RAPGEF6: variants seen among roughly 807,000 people sequenced by gnomAD.
RAPGEF6 encodes Rap guanine nucleotide exchange factor 6, also known as PDZ domain containing guanine nucleotide exchange factor (GEF) 2.
RAPGEF6 carries 56 observed loss-of-function variants against 171.4 expected under a neutral mutation model. The ratio of observed to expected loss-of-function variants is 0.33; its 90% CI spans 0.26 to 0.41. The LOEUF is 0.41. Among genes scored for constraint, RAPGEF6 ranks in the 10% least tolerant of loss-of-function variants. The pLI, the probability that RAPGEF6 is intolerant of heterozygous loss-of-function variation, is 1.00. For missense variants in RAPGEF6, 1,674 were observed against 1,921.4 expected, an observed-to-expected ratio of 0.87 and a Z score of 2.41; for synonymous variants, 692 against 650.1, an observed-to-expected ratio of 1.06 and a Z score of -0.98.
Position 131,431,252 on chromosome 5 carries a change from C to T in RAPGEF6, c.4072G>A (p.Ala1358Thr), listed in dbSNP as rs1393044848. The change falls in exon 26 of 28, where the codon GCT (alanine) becomes ACT (threonine). Residue 1358 changes from alanine (A) to threonine (T), a missense_variant. Physicochemically the swap from Ala to Thr is moderately conservative, Grantham distance 58. Transcript: ENST00000509018. The part of the protein sequence containing the change: ...ISQEHIIIEA[A>T]DSGRGSWTSC... ...GTCCAACTTCCACGACCACTGTCAG[C>T]TGCTTCTATAATGATATGCTCTTGA... 6.2e-7 allele frequency: 1 copy of T among 1,614,234 alleles called. No homozygotes were observed. The highest frequency in any genetic ancestry group is 1.7e-5 in the Admixed American group (1 of 60,026).
Position 131,489,589 on chromosome 5 carries a change from C to G in RAPGEF6, c.1797G>C (p.Arg599Ser), listed in dbSNP as rs1449469510. The G allele has an allele frequency of 6.2e-7, 1 of 1,600,670 alleles. No individual in the cohort carries two copies. Among genetic ancestry groups the G allele is most frequent in the African/African-American group, 1.3e-5 (1 of 74,368 alleles). ...CAGTAAGTGCAAGATGAGTATTATT[C>G]CTCAAAATTTCAACGGCTTTCATAA... ...ITFMKAVEIL[R>S]NNTHLALTVK... The change falls in exon 15 of 28, where the codon AGG becomes AGC. Residue 599 changes from arginine to serine, a missense_variant. Arg to Ser is a moderately radical substitution (Grantham distance 110, BLOSUM62 -1). Around this residue, in one of 3 missense-constraint regions of RAPGEF6, gnomAD observed 1,116 missense variants for 1,321.5 expected, o/e 0.84. Transcript: ENST00000509018.
chr5:131,502,787 G>T (rs930608049), intron 11 of RAPGEF6, among the ~76,000 whole-genome samples: 1 of 152,014 alleles, frequency 6.6e-6, no homozygotes, highest in Non-Finnish European at 1.5e-5. Flanking sequence ...AGGGTTTCTG[G>T]ACTGAATCTG....
intron 1 of RAPGEF6, among the ~76,000 whole-genome samples, chr5:131,632,320 G>A (rs987319577): frequency 6.6e-6 from 1 of 152,054 alleles, no homozygotes; most frequent in Non-Finnish European, 1.5e-5. Context: ...TGCAACGATT[G>A]CTCCCTTTGC....
chr5:131,458,352 T>TA (rs1425743889), intron 19 of RAPGEF6, among the ~76,000 whole-genome samples: 2 of 152,202 alleles, frequency 1.3e-5, no homozygotes, highest in Non-Finnish European at 2.9e-5. Context: ...TGCTGCCATG[T>TA]AAGACACGCC....
At chr5:131,602,515 C>T (rs1764317998) in intron 3 of RAPGEF6, among the ~76,000 whole-genome samples, 1 of 152,158 alleles carries the variant, frequency 6.6e-6, no homozygotes, top group Non-Finnish European at 1.5e-5. Context: ...AATTCCAGCG[C>T]TTTGGGAGGC....
intron 17 of RAPGEF6, among the ~76,000 whole-genome samples, chr5:131,468,655 T>A (rs1754541564): frequency 6.6e-6 from 1 of 152,202 alleles, no homozygotes; most frequent in Non-Finnish European, 1.5e-5. Flanking sequence ...AAGTGCCTGT[T>A]ATGTGTCAAC....
intron 7 of RAPGEF6, among the ~76,000 whole-genome samples, chr5:131,516,979 T>C (rs2073001109): frequency 6.6e-6 from 1 of 152,202 alleles, no homozygotes. Context: ...TTTGGCCATA[T>C]AAAACAGTGT....
At chr5:131,496,660 T>C (rs898643020) in intron 12 of RAPGEF6, among the ~76,000 whole-genome samples, 1 of 152,214 alleles carries the variant, frequency 6.6e-6, no homozygotes, top group Non-Finnish European at 1.5e-5. Flanking sequence ...GTTTTCAAGG[T>C]TCATCATGGT....
chr5:131,604,892 A>G (rs2150016740), intron 1 of RAPGEF6, among the ~76,000 whole-genome samples, 199 bp from the exon 2 acceptor site: 1 of 152,342 alleles, frequency 6.6e-6, no homozygotes, highest in African/African-American at 2.4e-5. Context: ...ACTCCTCTTC[A>G]ACGTGACCAA....
chr5:131,562,002 T>A lies in RAPGEF6; in HGVS notation c.327A>T (p.Val109=), dbSNP rs1297007719. 6.3e-7 allele frequency: 1 copy of A among 1,592,980 alleles called. No individual in the cohort carries two copies. Among genetic ancestry groups the A allele is most frequent in the Non-Finnish European group, 8.5e-7 (1 of 1,171,422 alleles). ...FGGKRGCDCL[V]LEPSEMIVVE... The stretch of plus-strand genomic sequence containing the variant: ...CCACAATCATTTCTGAAGGCTCTAA[T>A]ACAAGACAATCACATCCTCTTTTTC... The change falls in exon 5 of 28, where the codon GTA becomes GTT. Residue 109 remains valine, a synonymous_variant. Coordinates refer to ENST00000509018, the MANE Select transcript of RAPGEF6 (RefSeq NM_016340.6).
At chr5:131,514,849 C>G (rs987495055) in intron 7 of RAPGEF6, among the ~76,000 whole-genome samples, 3 of 152,132 alleles carry the variant, frequency 2.0e-5, no homozygotes, top group Admixed American at 1.3e-4. Context: ...CCCAGCCTTT[C>G]AATTAATTTA....
At chr5:131,443,120 T>A (rs1204603474) in intron 22 of RAPGEF6, among the ~76,000 whole-genome samples, 1 of 152,126 alleles carries the variant, frequency 6.6e-6, no homozygotes, top group African/African-American at 2.4e-5. Context: ...AATTCTGTAT[T>A]TTTAGTAGAC....
intron 4 of RAPGEF6, among the ~76,000 whole-genome samples, chr5:131,564,845 T>C (rs1344959481): frequency 6.6e-6 from 1 of 152,152 alleles, no homozygotes; most frequent in Non-Finnish European, 1.5e-5. Context: ...AAATCACATA[T>C]GCAGACACAT....
chr5:131,623,450 A>T (rs1239006793), intron 1 of RAPGEF6, among the ~76,000 whole-genome samples: 2 of 150,536 alleles, frequency 1.3e-5, no homozygotes, highest in Non-Finnish European at 3.0e-5. Flanking sequence ...CTACTAGAAT[A>T]GTAAAGGAAC....
At chr5:131,601,343 C>A (rs1764243907) in intron 3 of RAPGEF6, among the ~76,000 whole-genome samples, 1 of 150,290 alleles carries the variant, frequency 6.7e-6, no homozygotes. Flanking sequence ...CAAGGTCACA[C>A]CATTGCACTC....
intron 21 of RAPGEF6, among the ~76,000 whole-genome samples, chr5:131,447,908 T>C (rs527846757): frequency 6.6e-6 from 1 of 152,324 alleles, no homozygotes; most frequent in Admixed American, 6.5e-5. Context: ...TATTTACATC[T>C]GCAGAGACCT....
chr5:131,526,377 T>C (rs372406642), intron 6 of RAPGEF6, among the ~76,000 whole-genome samples: 2 of 152,222 alleles, frequency 1.3e-5, no homozygotes, highest in East Asian at 1.9e-4. Context: ...TATACCCAGT[T>C]TATAGAGTAG....
intron 5 of RAPGEF6, among the ~76,000 whole-genome samples, chr5:131,555,263 G>A (rs186386663): frequency 4.1e-4 from 63 of 152,238 alleles, no homozygotes; most frequent in Admixed American, 7.2e-4. Context: ...GAGGGGAAAT[G>A]GTACCTACTC....
intron 18 of RAPGEF6, 82 bp from the exon 19 acceptor site, chr5:131,462,170 T>TG: frequency 4.4e-6 from 5 of 1,147,086 alleles, no homozygotes; most frequent in Non-Finnish European, 5.7e-6. Flanking sequence ...CGTTGTAAAA[T>TG]ATCATTTTAC....
Sources: gnomAD v4.1 joint callset for allele counts (sites outside exome capture counted in the v4.1 genomes callset) on GRCh38, gnomAD v4.1.1 for gene constraint, gnomAD v4.1.1 regional missense constraint, MANE v1.5 for transcripts, NCBI Gene and HGNC (gene_info 2026-07-23, HGNC 2026-07-21) for gene names.